COL23A1: variants seen among roughly 807,000 people sequenced by gnomAD.
COL23A1 encodes the protein collagen alpha-1(XXIII) chain.
In COL23A1, 97 loss-of-function variants were observed where a neutral mutation model predicts 99.3. The ratio of observed to expected loss-of-function variants is 0.98; its 90% CI spans 0.83 to 1.16. The LOEUF is 1.16. Ranked by LOEUF, COL23A1 falls within the 50% of genes most tolerant of loss-of-function variation. COL23A1 has a pLI of 0.00. For synonymous variants in COL23A1, 320 were observed against 308.2 expected, an observed-to-expected ratio of 1.04 and a Z score of -0.40; for missense variants, 762 against 757.4, an observed-to-expected ratio of 1.01 and a Z score of -0.07.
intron 2 of COL23A1, among the ~76,000 whole-genome samples, chr5:178,505,000 A>T (rs1269797060): frequency 6.6e-6 from 1 of 152,338 alleles, no homozygotes; most frequent in African/African-American, 2.4e-5. Flanking sequence ...GGGTGGCCAT[A>T]ACGAAGTTCC....
At chr5:178,383,447 C>T (rs761230453) in intron 2 of COL23A1, among the ~76,000 whole-genome samples, 3 of 152,230 alleles carry the variant, frequency 2.0e-5, no homozygotes, top group African/African-American at 4.8e-5. Flanking sequence ...CAGTCATGGC[C>T]CAGCCGGCCC....
intron 2 of COL23A1, among the ~76,000 whole-genome samples, chr5:178,534,746 T>C (rs1414283500): frequency 6.6e-6 from 1 of 151,770 alleles, no homozygotes; most frequent in Non-Finnish European, 1.5e-5. Flanking sequence ...GCCACTGCAC[T>C]CCAGCCTGGG....
At chr5:178,354,678 T>C (rs903835178) in intron 2 of COL23A1, among the ~76,000 whole-genome samples, 2 of 152,176 alleles carry the variant, frequency 1.3e-5, no homozygotes, top group African/African-American at 4.8e-5. Flanking sequence ...CCATCCACCA[T>C]GATTGTAAGT....
intron 2 of COL23A1, among the ~76,000 whole-genome samples, chr5:178,501,304 C>T (rs1443926795): frequency 2.0e-5 from 3 of 152,126 alleles, no homozygotes; most frequent in Admixed American, 6.5e-5. Context: ...CCCAACAGGC[C>T]GGGCACAGTG....
chr5:178,270,515 G>C, intron 5 of COL23A1, 152 bp from the exon 6 acceptor site: 1 of 862,758 alleles, frequency 1.2e-6, no homozygotes, highest in Non-Finnish European at 1.9e-6. Flanking sequence ...GGCTGAGGGA[G>C]GGGAAGGCAT....
chr5:178,311,515 T>C (rs1288681968), intron 2 of COL23A1, among the ~76,000 whole-genome samples: 3 of 49,366 alleles, frequency 6.1e-5, no homozygotes, highest in Admixed American at 1.8e-4. Flanking sequence ...TGCGCGTGTG[T>C]GTGTGTGTGT....
At chr5:178,584,150 C>T (rs1763799408) in intron 1 of COL23A1, among the ~76,000 whole-genome samples, 1 of 152,160 alleles carries the variant, frequency 6.6e-6, no homozygotes, top group African/African-American at 2.4e-5. Context: ...GCTGGGATTA[C>T]AGGCACATGT....
In COL23A1 at chr5:178,513,179, TG is replaced by T. The variant is rs140382869; in HGVS notation, c.361+47502del. Among the ~76,000 whole-genome samples, 813 of 152,294 alleles carry T rather than the reference TG, an allele frequency of 5.3e-3. 13 individuals carry two copies. Among genetic ancestry groups the T allele is most frequent in the African/African-American group, 0.018 (745 of 41,556 alleles). On this transcript the variant is annotated intron_variant, in intron 2 of 28. Coordinates refer to ENST00000390654, the MANE Select transcript of COL23A1 (RefSeq NM_173465.4). The stretch of plus-strand genomic sequence containing the variant: ...GACGAGATGAGCTTCAGCTGGGCCC[TG>T]GAGGAAATGATGGCCACAGAGGTGG...
intron 2 of COL23A1, among the ~76,000 whole-genome samples, chr5:178,483,759 G>C (rs1028848543): frequency 6.6e-6 from 1 of 152,148 alleles, no homozygotes; most frequent in African/African-American, 2.4e-5. Context: ...TCTCCAATGC[G>C]GCCATCTTTA....
chr5:178,544,584 C>T lies in COL23A1; in HGVS notation c.361+16098G>A, dbSNP rs1316310475. Among the ~76,000 whole-genome samples the T allele has an allele frequency of 6.6e-6, 1 of 152,220 alleles. No homozygotes were observed. The highest frequency in any genetic ancestry group is 1.9e-4 in the East Asian group (1 of 5,196). ...CTAGGAAGCATGTCCCTCCTGGGTA[C>T]AGCTGACATGTGAGCAAGCACTTTG... On this transcript the variant is annotated intron_variant, in intron 2 of 28. Coordinates refer to ENST00000390654, the MANE Select transcript of COL23A1 (RefSeq NM_173465.4). This position sits in a 1 kb window ranked among gnomAD's most constrained non-coding sequence, Gnocchi z 4.4.
At position 178,249,323 on chromosome 5, in the gene COL23A1, C is replaced by G; in HGVS notation, c.1060-117G>C. The G allele has an allele frequency of 6.3e-6, 6 of 948,302 alleles. No homozygotes were observed. In the South Asian group the frequency reaches 8.3e-5, roughly 13 times the overall value. 58.7% of individuals were successfully genotyped at this position (948,302 alleles called of 1,614,324 possible). On this transcript the variant is annotated intron_variant, in intron 18 of 28. Transcript: ENST00000390654. ...GCCCCACTTTCTCTTTGTGGGTCCC[C>G]ACCTCCAGCCACAGTGGCTGGGAGC...
intron 2 of COL23A1, among the ~76,000 whole-genome samples, chr5:178,449,071 A>G (rs1767336640): frequency 6.6e-6 from 1 of 152,108 alleles, no homozygotes; most frequent in Admixed American, 6.5e-5. Flanking sequence ...ATCAGAGTTC[A>G]CTGCAGCCTC....
intron 2 of COL23A1, among the ~76,000 whole-genome samples, chr5:178,323,463 A>G (rs957086425): frequency 6.6e-6 from 1 of 152,130 alleles, no homozygotes; most frequent in African/African-American, 2.4e-5. Flanking sequence ...GTCTCCCCAG[A>G]CACAAGCAGT....
At chr5:178,432,873 C>A (rs1163498559) in intron 2 of COL23A1, among the ~76,000 whole-genome samples, 3 of 152,082 alleles carry the variant, frequency 2.0e-5, no homozygotes, top group African/African-American at 7.2e-5. Flanking sequence ...TTGGTCCTTA[C>A]CCCCCTTGCA....
At chr5:178,495,992 C>T (rs652723) in intron 2 of COL23A1, among the ~76,000 whole-genome samples, 2,670 of 152,208 alleles carry the variant, frequency 0.018, 79 homozygotes, top group African/African-American at 0.054. Flanking sequence ...CAGAGAGATA[C>T]GAACCAGGCA....
At chr5:178,325,313 G>A (rs980676391) in intron 2 of COL23A1, among the ~76,000 whole-genome samples, 5 of 129,150 alleles carry the variant, frequency 3.9e-5, no homozygotes, top group Non-Finnish European at 8.3e-5. Flanking sequence ...CAGGTTCCCC[G>A]CTGTCTTTGG....
In COL23A1 at chr5:178,308,333, A is replaced by G. The variant is rs974319707; in HGVS notation, c.362-1414T>C. ...GCCAGCCTCAGGGACAGGGGACTTG[A>G]GGTGAGGATTGTTAAACAAAACTTA... On this transcript the variant is annotated intron_variant, in intron 2 of 28. Coordinates refer to ENST00000390654, the MANE Select transcript of COL23A1 (RefSeq NM_173465.4). This position sits in a 1 kb window ranked among gnomAD's most constrained non-coding sequence, Gnocchi z 5.1. 6.6e-6 allele frequency among the ~76,000 whole-genome samples: 1 copy of G among 152,162 alleles called. No homozygotes were observed. The highest frequency in any genetic ancestry group is 6.5e-5 in the Admixed American group (1 of 15,270).
chr5:178,578,260 C>G (rs1487124861), intron 1 of COL23A1, among the ~76,000 whole-genome samples: 1 of 152,132 alleles, frequency 6.6e-6, no homozygotes, highest in Non-Finnish European at 1.5e-5. Flanking sequence ...CGTGCACACA[C>G]ACCCATGTAC....
intron 2 of COL23A1, among the ~76,000 whole-genome samples, chr5:178,513,503 G>A (rs1202950123): frequency 6.6e-6 from 1 of 152,166 alleles, no homozygotes; most frequent in African/African-American, 2.4e-5. Flanking sequence ...GGTCTCACCA[G>A]GCTAAAATCA....
Sources: allele counts gnomAD v4.1 joint callset (sites outside exome capture counted in the v4.1 genomes callset), GRCh38; gene constraint gnomAD v4.1.1; non-coding constraint Gnocchi (gnomAD v3.1); transcripts MANE v1.5; gene names NCBI Gene and HGNC (gene_info 2026-07-23, HGNC 2026-07-21).